ANKRD13D: variants seen among roughly 807,000 people sequenced by gnomAD.
The protein encoded by ANKRD13D is ankyrin repeat domain-containing protein 13D.
Under a neutral mutation model 68.8 loss-of-function variants are expected in ANKRD13D, and 24 were observed. The observed-to-expected ratio is 0.35, with a 90% CI of 0.25 to 0.49. ANKRD13D has a LOEUF of 0.49. Among genes scored for constraint, ANKRD13D ranks in the 20% least tolerant of loss-of-function variants. The pLI is 0.99. For missense variants in ANKRD13D, 735 were observed against 832.1 expected (o/e 0.88, Z 1.44); for synonymous variants, 331 against 336.1 (o/e 0.98, Z 0.16).
At chr11:67,293,370 T>G (rs1006301310) in intron 6 of ANKRD13D, among the ~76,000 whole-genome samples, 1 of 152,250 alleles carries the variant, frequency 6.6e-6, no homozygotes, top group South Asian at 2.1e-4. Flanking sequence ...AAGTGATAGC[T>G]CACTGTGATT....
rs1253674203 is a variant in ANKRD13D at position 67,301,125 on chromosome 11, A to G, written c.1209A>G (p.Pro403=). Residue 403 remains proline (P), a synonymous_variant, in exon 11 of 15, where the codon CCA becomes CCG. Coordinates refer to ENST00000511455, the MANE Select transcript of ANKRD13D (RefSeq NM_207354.3). This position sits in a 1 kb window ranked among gnomAD's most constrained non-coding sequence, Gnocchi z 4.5. The stretch of plus-strand genomic sequence containing the variant: ...GCGACTTCATCACTCTGCGCCTTCC[A>G]CCTGGCTTCCCCGTCAAAATTGGTG... The part of the protein sequence containing the change: ...KLRDFITLRL[P]PGFPVKIEIP... 5 of 1,613,746 alleles carry G rather than the reference A, an allele frequency of 3.1e-6. No individual in the cohort carries two copies. In the East Asian group the frequency reaches 1.1e-4, roughly 36 times the overall value.
chr11:67,292,038 C>T lies in ANKRD13D; in HGVS notation c.589C>T (p.His197Tyr). The T allele has an allele frequency of 1.3e-6, 2 of 1,598,254 alleles. No homozygotes were observed. The highest frequency in any genetic ancestry group is 1.7e-6 in the Non-Finnish European group (2 of 1,168,792). The change falls in exon 6 of 15, where the codon CAT becomes TAT. Residue 197 changes from histidine to tyrosine, a missense_variant. Coordinates refer to ENST00000511455, the MANE Select transcript of ANKRD13D (RefSeq NM_207354.3). ...MEVDHDRQVV[H>Y]VETLGLTLQE... ...AGTGGACCATGACCGGCAGGTGGTG[C>T]ATGTGGAGACACTGGGGCTCACTCT...
In ANKRD13D at chr11:67,301,563, G is replaced by GC. The variant is rs753919339; in HGVS notation, c.1425dup (p.Asn476GlnfsTer10). On this transcript the variant is annotated frameshift_variant, in exon 13 of 15. Transcript: ENST00000511455. LOFTEE classifies it high-confidence loss of function. The surrounding 1 kb of genome is among the most constrained non-coding windows in gnomAD (Gnocchi z 4.5). ...GGGTACAGCGTGCTGGGCATGGAGCGCAACGAGCCCCTCCGGGACGAGGAC... is the reference window on the plus strand; with the variant it reads ...GGGTACAGCGTGCTGGGCATGGAGCGCCAACGAGCCCCTCCGGGACGAGGAC... 6.2e-7 allele frequency: 1 copy of GC among 1,612,976 alleles called. No homozygotes were observed. The highest frequency in any genetic ancestry group is 1.1e-5 in the South Asian group (1 of 91,086).
chr11:67,289,621 G>GCCCCCCCCCCCCCCCCCCCCCCCCCCCCC (rs368498130), intron 1 of ANKRD13D, 71 bp downstream of exon 1: 2 of 808,134 alleles, frequency 2.5e-6, no homozygotes, highest in Admixed American at 6.0e-5. Context: ...CCGTCCTGGA[G>GCCCCCCCCCCCCCCCCCCCCCCCCCCCCC]CCCCCCCCCC....
intron 2 of ANKRD13D, 33 bp downstream of exon 2, chr11:67,290,246 C>T (rs1280757468): frequency 1.3e-6 from 2 of 1,544,034 alleles, no homozygotes; most frequent in Middle Eastern, 1.7e-4. Context: ...CCCCCTGAGG[C>T]TGGCAGGCGG....
intron 6 of ANKRD13D, among the ~76,000 whole-genome samples, chr11:67,296,869 G>A (rs938838674): frequency 3.3e-5 from 5 of 152,004 alleles, no homozygotes; most frequent in Non-Finnish European, 1.5e-5. Context: ...CAATCCTCCT[G>A]CCTTGGCCTC....
chr11:67,299,181 C>T lies in ANKRD13D; in HGVS notation c.798+57C>T. On this transcript the variant is annotated intron_variant, in intron 7 of 14. Coordinates refer to ENST00000511455, the MANE Select transcript of ANKRD13D (RefSeq NM_207354.3). This position sits in a 1 kb window ranked among gnomAD's most constrained non-coding sequence, Gnocchi z 6.2. ...TAGGAGATGAGGTCCAGGAACTCAG[C>T]TCCTCTCCACATCCATCCCAGAGTA... 1 of 1,580,834 alleles carries T rather than the reference C, an allele frequency of 6.3e-7. No homozygotes were observed. Among genetic ancestry groups the T allele is most frequent in the South Asian group, 1.1e-5 (1 of 90,464 alleles).
At chr11:67,291,249 C>T (rs550690116) in intron 3 of ANKRD13D, 44 of 537,222 alleles carry the variant, frequency 8.2e-5, no homozygotes, top group African/African-American at 7.9e-4. Context: ...CCCAGCTACT[C>T]GGGAGGCTGA....
At chr11:67,291,446 G>A (rs756762047) in intron 3 of ANKRD13D, 30 bp from the exon 4 acceptor site, 23 of 1,613,280 alleles carry the variant, frequency 1.4e-5, no homozygotes, top group Non-Finnish European at 1.9e-5. Flanking sequence ...AGCAGGCAGG[G>A]CGCTGACAAG....
intron 1 of ANKRD13D, 138 bp downstream of exon 1, chr11:67,289,688 C>T: frequency 7.7e-7 from 1 of 1,305,834 alleles, no homozygotes; most frequent in Non-Finnish European, 1.0e-6. Flanking sequence ...CTGCACGATC[C>T]CAAGCCCAGG....
chr11:67,300,888 G>C lies in ANKRD13D; in HGVS notation c.1074-102G>C. The C allele has an allele frequency of 6.9e-7, 1 of 1,441,186 alleles. No homozygotes were observed. The highest frequency in any genetic ancestry group is 1.3e-5 in the South Asian group (1 of 76,820). 89.3% of individuals were successfully genotyped at this position (1,441,186 alleles called of 1,614,324 possible). A position where few individuals can be genotyped will look rare whatever the true frequency, so the allele number is the denominator to read the frequency against. On this transcript the variant is annotated intron_variant, in intron 10 of 14. Transcript: ENST00000511455. The surrounding 1 kb of genome is among the most constrained non-coding windows in gnomAD (Gnocchi z 4.3). ...GAGCAGAGCAGGGCACTCCAGGCCA[G>C]GCAGAAGGTGGGTAAAGGCAGCTGC...
Position 67,292,099 on chromosome 11 carries a change from C to T in ANKRD13D, c.650C>T (p.Pro217Leu). 3 of 1,612,676 alleles carry T rather than the reference C, an allele frequency of 1.9e-6. No homozygotes were observed. The highest frequency in any genetic ancestry group is 2.5e-6 in the Non-Finnish European group (3 of 1,179,074). ...GAAACACTGCTGGCCGCCATGCGGC[C>T]CAGCGAGGAGCATGTGGCCAGTCGC... ...EPETLLAAMR[P>L]SEEHVASRLT... is the part of the protein sequence containing the mutation. The change falls in exon 6 of 15, where the codon CCC becomes CTC. Residue 217 changes from proline to leucine, a missense_variant. By Grantham distance (98) the Pro-to-Leu change is moderately conservative. Coordinates refer to ENST00000511455, the MANE Select transcript of ANKRD13D (RefSeq NM_207354.3).
chr11:67,302,120 GC>G lies in ANKRD13D; in HGVS notation c.1609del (p.Leu537SerfsTer72). On this transcript the variant is annotated frameshift_variant and splice_region_variant, in exon 15 of 15. Transcript: ENST00000511455. LOFTEE classifies it low-confidence loss of function (END_TRUNC). The stretch of plus-strand genomic sequence containing the variant: ...TCCCTCCCCTGCCCTGCCTGGAAGG[GC>G]CCTCCAGGAAAGCCTGCAGCTGTCC... ...VYEEQLQLER[A>X]LQESLQLSTE... The G allele has an allele frequency of 6.4e-7, 1 of 1,566,514 alleles. No individual in the cohort carries two copies. The highest frequency in any genetic ancestry group is 1.2e-5 in the South Asian group (1 of 85,846).
chr11:67,290,255 G>A (rs1370258487), intron 2 of ANKRD13D, 42 bp downstream of exon 2: 31 of 1,543,938 alleles, frequency 2.0e-5, no homozygotes, highest in African/African-American at 6.8e-5. Flanking sequence ...GCTGGCAGGC[G>A]GGGGGCAGTG....
intron 6 of ANKRD13D, among the ~76,000 whole-genome samples, chr11:67,295,184 G>A (rs1186656582): frequency 2.0e-5 from 3 of 152,144 alleles, no homozygotes; most frequent in Non-Finnish European, 2.9e-5. Context: ...TTGGGAGGCC[G>A]AGGTGGGTGG....
chr11:67,297,404 AG>A (rs1283059903), intron 6 of ANKRD13D, among the ~76,000 whole-genome samples: 1 of 152,122 alleles, frequency 6.6e-6, no homozygotes, highest in African/African-American at 2.4e-5. Context: ...CATGTTGCAC[AG>A]GCTGGTCTCG....
In ANKRD13D at chr11:67,290,445, A is replaced by C; in HGVS notation, c.350A>C (p.Gln117Pro). 1 of 1,577,536 alleles carries C rather than the reference A, an allele frequency of 6.3e-7. No individual in the cohort carries two copies. Among genetic ancestry groups the C allele is most frequent in the Non-Finnish European group, 8.6e-7 (1 of 1,162,576 alleles). The change falls in exon 3 of 15, where the codon CAG (glutamine) becomes CCG (proline). Residue 117 changes from glutamine to proline, a missense_variant and splice_region_variant. Physicochemically the swap from Gln to Pro is moderately conservative, Grantham distance 76. Coordinates refer to ENST00000511455, the MANE Select transcript of ANKRD13D (RefSeq NM_207354.3). ...GIPELLNKLRQAPDFYVEMKW... is the reference protein window; with the variant it reads ...GIPELLNKLRPAPDFYVEMKW... ...CCGGAACTGCTCAACAAACTTCGCC[A>C]GGTACAGCAGGGCACAGTTATGGAG...
intron 3 of ANKRD13D, chr11:67,290,805 G>A (rs1860504067): frequency 8.4e-6 from 2 of 239,332 alleles, no homozygotes; most frequent in South Asian, 5.9e-5. Flanking sequence ...GGCTGGCAGA[G>A]CATACTATCT....
chr11:67,297,890 A>G (rs1259733762), intron 6 of ANKRD13D: 4 of 150,818 alleles, frequency 2.7e-5, no homozygotes, highest in Non-Finnish European at 5.9e-5. Context: ...TTCTCTTTTG[A>G]TTTATTATTT....
Sources: allele counts gnomAD v4.1 joint callset (sites outside exome capture counted in the v4.1 genomes callset), GRCh38; gene constraint gnomAD v4.1.1; non-coding constraint Gnocchi (gnomAD v3.1); transcripts MANE v1.5; gene names NCBI Gene and HGNC (gene_info 2026-07-23, HGNC 2026-07-21).